TUSC3: variants seen among roughly 807,000 people sequenced by gnomAD.
TUSC3 encodes the protein dolichyl-diphosphooligosaccharide--protein glycosyltransferase subunit TUSC3.
Under a neutral mutation model 44.8 loss-of-function variants are expected in TUSC3, and 45 were observed. The ratio of observed to expected loss-of-function variants is 1.00; its 90% CI spans 0.79 to 1.29. The LOEUF (loss-of-function observed/expected upper bound fraction) is 1.29, where lower values mean the gene tolerates loss of function less well. TUSC3 is among the 50% of genes most tolerant of loss of function. The pLI, the probability that TUSC3 is intolerant of heterozygous loss-of-function variation, is 0.00. For missense variants in TUSC3, 519 were observed against 437.9 expected (o/e 1.19, Z -1.65); for synonymous variants, 212 against 152.9 (o/e 1.39, Z -2.85).
intron 2 of TUSC3, among the ~76,000 whole-genome samples, chr8:15,511,291 G>C (rs535873126): frequency 6.6e-6 from 1 of 151,916 alleles, no homozygotes; most frequent in Non-Finnish European, 1.5e-5. Context: ...GAGGGAGGGA[G>C]GTGAGGAAAG....
chr8:15,615,192 C>G (rs1214625406), intron 1 of TUSC3, among the ~76,000 whole-genome samples: 3 of 152,136 alleles, frequency 2.0e-5, no homozygotes, highest in Admixed American at 1.3e-4. Context: ...CACAATACCC[C>G]TGATGTGGAA....
Position 15,492,644 on chromosome 8 carries a change from G to A in TUSC3, n.189+9161G>A, listed in dbSNP as rs1800823636. Among the ~76,000 whole-genome samples, 2 of 152,010 alleles carry A rather than the reference G, an allele frequency of 1.3e-5. 1 individual carries two copies. The highest frequency in any genetic ancestry group is 4.2e-4 in the South Asian group (2 of 4,818). On this transcript the variant is annotated intron_variant and non_coding_transcript_variant, in intron 2 of 5. Coordinates refer to the TUSC3 transcript ENST00000503191. ...ACACAAATTAAATAATTTTTAAAAT[G>A]TCACGTAACAGGCTGGGCACAGTGG...
At chr8:15,626,841 G>C (rs893321088) in intron 2 of TUSC3, among the ~76,000 whole-genome samples, 1 of 152,216 alleles carries the variant, frequency 6.6e-6, no homozygotes, top group African/African-American at 2.4e-5. Flanking sequence ...GGGGCCCTGA[G>C]GGAAGTCTGG....
chr8:15,655,815 A>C (rs1055743258), intron 3 of TUSC3, among the ~76,000 whole-genome samples: 4 of 152,216 alleles, frequency 2.6e-5, no homozygotes, highest in Non-Finnish European at 5.9e-5. Flanking sequence ...TTACTATTAC[A>C]TAACATTAGC....
intron 1 of TUSC3, among the ~76,000 whole-genome samples, chr8:15,417,837 G>T (rs567877334): frequency 6.6e-6 from 1 of 152,234 alleles, no homozygotes; most frequent in Admixed American, 6.5e-5. Flanking sequence ...GAATAAGACT[G>T]CGGCCTTTCT....
chr8:15,746,159 C>T (rs1811404797), intron 8 of TUSC3, among the ~76,000 whole-genome samples: 1 of 151,994 alleles, frequency 6.6e-6, no homozygotes, highest in East Asian at 1.9e-4. Flanking sequence ...ATTGTATATC[C>T]TGTCTTAAGG....
At chr8:15,577,763 G>T (rs1172096411) in intron 1 of TUSC3, among the ~76,000 whole-genome samples, 1 of 142,618 alleles carries the variant, frequency 7.0e-6, no homozygotes, top group Non-Finnish European at 1.5e-5. Context: ...CTCCAGCTTT[G>T]TTCTTTTGGC....
intron 1 of TUSC3, among the ~76,000 whole-genome samples, chr8:15,431,946 A>G (rs1365055058): frequency 1.3e-5 from 2 of 151,754 alleles, no homozygotes; most frequent in African/African-American, 4.8e-5. Flanking sequence ...ATGTTGCACT[A>G]TCTTTGCATT....
intron 1 of TUSC3, among the ~76,000 whole-genome samples, chr8:15,475,029 A>G (rs1183902315): frequency 2.0e-5 from 3 of 152,162 alleles, no homozygotes; most frequent in Admixed American, 6.5e-5. Context: ...TGTTTTGACG[A>G]TGGCCAATTG....
At chr8:15,788,565 G>A in the TUSC3 span, among the ~76,000 whole-genome samples, 38 of 138,984 alleles carry the variant, frequency 2.7e-4, no homozygotes, top group African/African-American at 9.1e-4. Context: ...AAAAAAAAAA[G>A]GAAGTTAAAT....
intron 2 of TUSC3, among the ~76,000 whole-genome samples, chr8:15,528,685 T>C (rs1801409304): frequency 6.6e-6 from 1 of 152,242 alleles, no homozygotes; most frequent in African/African-American, 2.4e-5. Context: ...TCAGAGATAC[T>C]CCCTGCATAC....
intron 2 of TUSC3, among the ~76,000 whole-genome samples, chr8:15,492,611 A>C (rs959091338): frequency 6.6e-6 from 1 of 151,224 alleles, no homozygotes; most frequent in African/African-American, 2.4e-5. Flanking sequence ...CCACTCAGAT[A>C]ACTTCAGACA....
intron 1 of TUSC3, among the ~76,000 whole-genome samples, chr8:15,450,258 C>A (rs1469690297): frequency 6.6e-6 from 1 of 152,084 alleles, no homozygotes; most frequent in Non-Finnish European, 1.5e-5. Context: ...TCAGGTTTTA[C>A]TTGTATAACA....
At chr8:15,436,269 G>A (rs1211912561) in intron 1 of TUSC3, among the ~76,000 whole-genome samples, 4 of 152,136 alleles carry the variant, frequency 2.6e-5, no homozygotes, top group African/African-American at 7.2e-5. Flanking sequence ...TGGTTTTGAC[G>A]GTTATCAAAA....
At chr8:15,819,525 C>G in the TUSC3 span, among the ~76,000 whole-genome samples, 1 of 152,150 alleles carries the variant, frequency 6.6e-6, no homozygotes, top group Non-Finnish European at 1.5e-5. Flanking sequence ...GTCATGTCTA[C>G]TAGACTGTCC....
intron 9 of TUSC3, among the ~76,000 whole-genome samples, chr8:15,751,625 T>A (rs1005524065): frequency 6.6e-6 from 1 of 152,140 alleles, no homozygotes; most frequent in South Asian, 2.1e-4. Context: ...AAGAGCTCAC[T>A]GAATGTAAAT....
intron 1 of TUSC3, among the ~76,000 whole-genome samples, chr8:15,435,292 A>G (rs561685627): frequency 1.3e-5 from 2 of 152,204 alleles, no homozygotes; most frequent in Non-Finnish European, 2.9e-5. Context: ...GCCAGTGATG[A>G]TGAGCATTTT....
rs3070913 is a variant in TUSC3, at chr8:15,650,984, TACACACACACAC to T, written c.426+198_426+209del. On this transcript the variant is annotated intron_variant, in intron 3 of 10. Transcript: ENST00000503731. ...CAGGTGGAGGACAGAGCAAGACTTT[TACACACACACAC>T]ACACACACACACACACACACACACA... 8.9e-3 allele frequency: 4,436 copies of T among 496,754 alleles called. 22 individuals carry two copies. The highest frequency in any genetic ancestry group is 0.03 in the African/African-American group (1,505 of 50,552). 30.8% of individuals were successfully genotyped at this position (496,754 alleles called of 1,614,324 possible).
intron 1 of TUSC3, among the ~76,000 whole-genome samples, chr8:15,578,832 A>G (rs1200538104): frequency 6.6e-6 from 1 of 152,126 alleles, no homozygotes; most frequent in Non-Finnish European, 1.5e-5. Flanking sequence ...GGCCCTCATA[A>G]AATGAGTTAG....
Sources: allele counts gnomAD v4.1 joint callset (sites outside exome capture counted in the v4.1 genomes callset), GRCh38; gene constraint gnomAD v4.1.1; transcripts MANE v1.5; gene names NCBI Gene and HGNC (gene_info 2026-07-23, HGNC 2026-07-21).